TWIST2: variants seen among roughly 807,000 people sequenced by gnomAD.
The protein encoded by TWIST2 is twist-related protein 2.
TWIST2 carries 1 observed loss-of-function variant against 11.6 expected under a neutral mutation model. The observed-to-expected ratio is 0.09, with a 90% CI of 0.03 to 0.41. TWIST2 has a LOEUF of 0.41. TWIST2 is among the 10% of genes least tolerant of loss of function. TWIST2 has a pLI of 0.98. For synonymous variants in TWIST2, 87 were observed against 96.6 expected (o/e 0.90, Z 0.58); for missense variants, 168 against 226.4 (o/e 0.74, Z 1.66).
rs1273233993 is a variant in TWIST2 at position 238,867,072 on chromosome 2, G to A, written c.*35+18339G>A. Reference sequence around the variant, plus strand: ...GCTGCCTTCCAAGCAGAACGCACCTGGCAGCCTGGGGGTCTTGTGTTTGCC... The same window carrying A: ...GCTGCCTTCCAAGCAGAACGCACCTAGCAGCCTGGGGGTCTTGTGTTTGCC... On this transcript the variant is annotated intron_variant, in intron 1 of 1. Coordinates refer to ENST00000612363, the MANE Select transcript of TWIST2 (RefSeq NM_001271893.4). The surrounding 1 kb of genome is among the most constrained non-coding windows in gnomAD (Gnocchi z 4.8). Among the ~76,000 whole-genome samples the A allele has an allele frequency of 6.6e-6, 1 of 152,134 alleles. No homozygotes were observed. The highest frequency in any genetic ancestry group is 1.9e-4 in the East Asian group (1 of 5,184).
intron 1 of TWIST2, among the ~76,000 whole-genome samples, chr2:238,883,716 A>G (rs1271391747): frequency 6.6e-6 from 1 of 152,178 alleles, no homozygotes; most frequent in Non-Finnish European, 1.5e-5. Context: ...TCCCAGCTCC[A>G]AGGATCCTGA....
At chr2:238,890,374 C>T (rs1324052554) in intron 1 of TWIST2, among the ~76,000 whole-genome samples, 1 of 152,232 alleles carries the variant, frequency 6.6e-6, no homozygotes, top group Non-Finnish European at 1.5e-5. Flanking sequence ...AAGTCCGGCA[C>T]CTCCCCATCA....
intron 1 of TWIST2, among the ~76,000 whole-genome samples, chr2:238,877,949 A>G (rs1488870991): frequency 6.6e-6 from 1 of 152,216 alleles, no homozygotes; most frequent in Admixed American, 6.5e-5. Context: ...GGGGCCAGGC[A>G]GAAAACGCAA....
chr2:238,869,301 G>A (rs1179184893), intron 1 of TWIST2, among the ~76,000 whole-genome samples: 1 of 152,174 alleles, frequency 6.6e-6, no homozygotes, highest in African/African-American at 2.4e-5. Flanking sequence ...GAACAATCTG[G>A]GATCTCTCAA....
chr2:238,856,575 TG>T lies in TWIST2; in HGVS notation c.*35+7843del, dbSNP rs1398765022. Among the ~76,000 whole-genome samples the T allele has an allele frequency of 2.0e-5, 3 of 152,210 alleles. No individual in the cohort carries two copies. In the East Asian group the frequency reaches 5.8e-4, roughly 29 times the overall value. ...GACAAAATAAAAGAGAAGGTTAGGA[TG>T]TGAATAGGTCAAGTGATATATGAAG... is the stretch of plus-strand genomic sequence containing the variant. On this transcript the variant is annotated intron_variant, in intron 1 of 1. Coordinates refer to ENST00000612363, the MANE Select transcript of TWIST2 (RefSeq NM_001271893.4).
chr2:238,890,228 A>G (rs35643941), intron 1 of TWIST2, among the ~76,000 whole-genome samples: 43,979 of 152,198 alleles, frequency 0.29, 6,650 homozygotes, highest in East Asian at 0.46. Flanking sequence ...GGCTGGGGTC[A>G]GCCAGGCCAC....
chr2:238,879,302 G>T (rs1160064148), intron 1 of TWIST2, among the ~76,000 whole-genome samples: 1 of 152,156 alleles, frequency 6.6e-6, no homozygotes, highest in Non-Finnish European at 1.5e-5. Context: ...AGAAGTGGAT[G>T]ACCTCTTGAA....
chr2:238,886,198 C>T (rs922459892), intron 1 of TWIST2, among the ~76,000 whole-genome samples: 1 of 152,014 alleles, frequency 6.6e-6, no homozygotes, highest in Non-Finnish European at 1.5e-5. Flanking sequence ...CCCACGATGA[C>T]TGCCTGACCC....
At chr2:238,871,930 C>T (rs906199160) in intron 1 of TWIST2, among the ~76,000 whole-genome samples, 16 of 152,242 alleles carry the variant, frequency 1.1e-4, no homozygotes, top group Admixed American at 3.3e-4. Context: ...GGGACAGAGT[C>T]TCAGTCTGAG....
chr2:238,858,479 C>T (rs1218112125), intron 1 of TWIST2, among the ~76,000 whole-genome samples: 1 of 152,126 alleles, frequency 6.6e-6, no homozygotes, highest in Non-Finnish European at 1.5e-5. Flanking sequence ...GCTAGCTCCC[C>T]AAGTGACTCT....
chr2:238,850,131 T>C (rs36154323), intron 1 of TWIST2, among the ~76,000 whole-genome samples: 43,576 of 152,130 alleles, frequency 0.29, 6,788 homozygotes, highest in South Asian at 0.42. Flanking sequence ...GCTTTTATTT[T>C]GGTGTCACTG....
At chr2:238,878,160 G>A (rs1692839314) in intron 1 of TWIST2, among the ~76,000 whole-genome samples, 1 of 152,134 alleles carries the variant, frequency 6.6e-6, no homozygotes, top group African/African-American at 2.4e-5. Context: ...CTGTTAGTTG[G>A]TAAACAGCTC....
chr2:238,892,938 T>G (rs1263446576), intron 1 of TWIST2, among the ~76,000 whole-genome samples: 1 of 152,158 alleles, frequency 6.6e-6, no homozygotes, highest in Non-Finnish European at 1.5e-5. Flanking sequence ...TGCAGAAGTT[T>G]GAGAATCTGA....
chr2:238,899,614 C>T (rs1472279697), intron 1 of TWIST2, among the ~76,000 whole-genome samples: 1 of 152,224 alleles, frequency 6.6e-6, no homozygotes, highest in East Asian at 1.9e-4. Context: ...GCACACACCC[C>T]TCTCTGTGCC....
intron 1 of TWIST2, among the ~76,000 whole-genome samples, chr2:238,881,623 A>G (rs1692936601): frequency 1.3e-5 from 2 of 152,106 alleles, no homozygotes; most frequent in Non-Finnish European, 2.9e-5. Flanking sequence ...ATTTATTAGC[A>G]TTAGTGTTAG....
At chr2:238,873,738 G>A (rs1382573029) in intron 1 of TWIST2, among the ~76,000 whole-genome samples, 1 of 152,172 alleles carries the variant, frequency 6.6e-6, no homozygotes, top group Non-Finnish European at 1.5e-5. Context: ...CGAGAGTCAC[G>A]CTGGTCTTGG....
chr2:238,905,944 C>CGCGCGCGTGTGTACGTGTGCGTGTGTGT (rs1314732997), intron 1 of TWIST2, among the ~76,000 whole-genome samples: 6 of 142,360 alleles, frequency 4.2e-5, no homozygotes, highest in Admixed American at 3.5e-4. Flanking sequence ...CGTGTGTGTG[C>CGCGCGCGTGTGTACGTGTGCGTGTGTGT]GCGCGCGTGT....
At chr2:238,905,946 C>T (rs1338199702) in intron 1 of TWIST2, among the ~76,000 whole-genome samples, 126 of 109,482 alleles carry the variant, frequency 1.2e-3, no homozygotes, top group African/African-American at 4.4e-3. Flanking sequence ...TGTGTGTGCG[C>T]GCGCGTGTGT....
intron 1 of TWIST2, among the ~76,000 whole-genome samples, chr2:238,868,105 T>A (rs1265303685): frequency 6.6e-6 from 1 of 152,188 alleles, no homozygotes; most frequent in African/African-American, 2.4e-5. Flanking sequence ...ACCAGTGCAG[T>A]GCCCCACAAA....
Sources: allele counts gnomAD v4.1 joint callset (sites outside exome capture counted in the v4.1 genomes callset), GRCh38; gene constraint gnomAD v4.1.1; non-coding constraint Gnocchi (gnomAD v3.1); transcripts MANE v1.5; gene names NCBI Gene and HGNC (gene_info 2026-07-23, HGNC 2026-07-21).